Variants in ZCCHC14 observed in about 807,000 individuals in gnomAD.
ZCCHC14 encodes the protein zinc finger CCHC-type containing 14, also known as zinc finger CCHC domain-containing protein 14.
Under a neutral mutation model 85.0 loss-of-function variants are expected in ZCCHC14, and 16 were observed. That is an observed-to-expected ratio of 0.19 (90% CI 0.13 to 0.29). ZCCHC14 has a LOEUF of 0.29. Ranked by LOEUF, ZCCHC14 falls within the 10% of genes least tolerant of loss-of-function variation. ZCCHC14 has a pLI of 1.00. For missense variants in ZCCHC14, 1,303 were observed against 1,443.5 expected, an observed-to-expected ratio of 0.90 and a Z score of 1.58; for synonymous variants, 775 against 630.7, an observed-to-expected ratio of 1.23 and a Z score of -3.43.
chr16:87,482,561 G>A (rs1485604686), intron 1 of ZCCHC14, among the ~76,000 whole-genome samples: 1 of 152,132 alleles, frequency 6.6e-6, no homozygotes, highest in Non-Finnish European at 1.5e-5. Context: ...ATTCCTCTGT[G>A]TAGGAAACCC....
At chr16:87,427,706 T>C (rs1597409697) in intron 3 of ZCCHC14, among the ~76,000 whole-genome samples, 1 of 152,298 alleles carries the variant, frequency 6.6e-6, no homozygotes, top group East Asian at 1.9e-4. Flanking sequence ...GGCATGATCT[T>C]GGCTCACTGC....
At chr16:87,452,111 G>A (rs1197623719) in intron 2 of ZCCHC14, among the ~76,000 whole-genome samples, 4 of 152,346 alleles carry the variant, frequency 2.6e-5, no homozygotes, top group South Asian at 2.1e-4. Context: ...CTGAAGAGGG[G>A]CAAGGCCAGA....
At chr16:87,416,246 C>T (rs1469317952) in intron 8 of ZCCHC14, among the ~76,000 whole-genome samples, 1 of 151,778 alleles carries the variant, frequency 6.6e-6, no homozygotes, top group African/African-American at 2.4e-5. Context: ...GCAACTTTGT[C>T]AGGTAGCAAG....
At chr16:87,474,930 G>GT (rs1324149068) in intron 1 of ZCCHC14, among the ~76,000 whole-genome samples, 2 of 152,240 alleles carry the variant, frequency 1.3e-5, no homozygotes, top group African/African-American at 4.8e-5. Context: ...AGTATCTGGA[G>GT]TTTGAGTCCA....
Position 87,410,096 on chromosome 16 carries a change from T to C in ZCCHC14, c.*184A>G. 2.0e-6 allele frequency: 1 copy of C among 489,090 alleles called. No homozygotes were observed. The highest frequency in any genetic ancestry group is 3.6e-6 in the Non-Finnish European group (1 of 276,640). 30.3% of individuals were successfully genotyped at this position (489,090 alleles called of 1,614,324 possible). On this transcript the variant is annotated 3_prime_UTR_variant, in exon 13 of 13. Coordinates refer to ENST00000671377, the MANE Select transcript of ZCCHC14 (RefSeq NM_015144.3). ...CGAGTTCTGACACCAAGCTCCAATC[T>C]AGGGTTTTGGCAATAAATCGAGTTT...
chr16:87,465,772 A>C (rs1189745088), intron 1 of ZCCHC14, among the ~76,000 whole-genome samples: 1 of 152,162 alleles, frequency 6.6e-6, no homozygotes, highest in African/African-American at 2.4e-5. Context: ...GAATATTTCA[A>C]GGTAAATCTT....
At chr16:87,410,388 C>G in intron 12 of ZCCHC14, 53 bp from the exon 13 acceptor site, 1 of 749,568 alleles carries the variant, frequency 1.3e-6, no homozygotes, top group Non-Finnish European at 2.5e-6. Context: ...GAATCACCAC[C>G]AACCACCAAT....
intron 1 of ZCCHC14, chr16:87,471,838 G>A (rs991648348): frequency 1.3e-5 from 2 of 152,286 alleles, no homozygotes; most frequent in Non-Finnish European, 2.9e-5. Context: ...ATTGACTTCA[G>A]AGAGAACACC....
intron 1 of ZCCHC14, among the ~76,000 whole-genome samples, chr16:87,461,977 A>G (rs1334078388): frequency 6.6e-6 from 1 of 152,170 alleles, no homozygotes; most frequent in Non-Finnish European, 1.5e-5. Flanking sequence ...ATGTAACTCG[A>G]GAAAATAAGG....
intron 2 of ZCCHC14, among the ~76,000 whole-genome samples, chr16:87,435,739 C>T (rs1204334924): frequency 6.6e-6 from 1 of 152,256 alleles, no homozygotes; most frequent in Non-Finnish European, 1.5e-5. Context: ...CGGGAGTCCA[C>T]TCGCTTTAGA....
chr16:87,431,176 G>GGAAAA (rs544981085), intron 3 of ZCCHC14, among the ~76,000 whole-genome samples: 3 of 144,690 alleles, frequency 2.1e-5, no homozygotes, highest in African/African-American at 7.7e-5. Context: ...AGAAAGGAAA[G>GGAAAA]GAAAAGAAAA....
chr16:87,468,706 T>G (rs1391932265), intron 1 of ZCCHC14, among the ~76,000 whole-genome samples: 1 of 152,216 alleles, frequency 6.6e-6, no homozygotes, highest in Non-Finnish European at 1.5e-5. Flanking sequence ...AGGGGACATC[T>G]GGCCACAGCT....
At chr16:87,457,544 T>C (rs76666223) in intron 2 of ZCCHC14, among the ~76,000 whole-genome samples, 2,465 of 152,338 alleles carry the variant, frequency 0.016, 25 homozygotes, top group Middle Eastern at 0.048. Context: ...GTTAGTCATG[T>C]GCTTGGACTG....
At chr16:87,441,923 C>G (rs117004415) in intron 2 of ZCCHC14, among the ~76,000 whole-genome samples, 72 of 152,310 alleles carry the variant, frequency 4.7e-4, no homozygotes, top group African/African-American at 1.6e-3. Flanking sequence ...GGCTGCGATT[C>G]CAGGTGGGGT....
At chr16:87,456,874 G>C (rs569661300) in intron 2 of ZCCHC14, among the ~76,000 whole-genome samples, 1 of 152,304 alleles carries the variant, frequency 6.6e-6, no homozygotes, top group Admixed American at 6.5e-5. Flanking sequence ...ATATAAACAA[G>C]TTTAATGAAA....
At chr16:87,454,218 G>C (rs1910843397) in intron 2 of ZCCHC14, among the ~76,000 whole-genome samples, 1 of 152,228 alleles carries the variant, frequency 6.6e-6, no homozygotes, top group Non-Finnish European at 1.5e-5. Context: ...AGATGGAGAA[G>C]AGGAGGAGAA....
chr16:87,441,076 T>C (rs1910161828), intron 2 of ZCCHC14, among the ~76,000 whole-genome samples: 1 of 151,142 alleles, frequency 6.6e-6, no homozygotes, highest in African/African-American at 2.4e-5. Context: ...CCATCTCGGC[T>C]CACTGCAAGC....
chr16:87,479,287 G>A (rs529788927), intron 1 of ZCCHC14, among the ~76,000 whole-genome samples: 2 of 151,868 alleles, frequency 1.3e-5, no homozygotes, highest in African/African-American at 4.8e-5. Flanking sequence ...GTGGTGGCGG[G>A]TGCCTGTAAT....
At chr16:87,444,316 A>G (rs554282384) in intron 2 of ZCCHC14, among the ~76,000 whole-genome samples, 6 of 152,364 alleles carry the variant, frequency 3.9e-5, no homozygotes, top group African/African-American at 1.4e-4. Context: ...CATATTAAAA[A>G]GACACAAAAC....
Sources: allele counts gnomAD v4.1 joint callset (sites outside exome capture counted in the v4.1 genomes callset), GRCh38; gene constraint gnomAD v4.1.1; transcripts MANE v1.5; gene names NCBI Gene and HGNC (gene_info 2026-07-23, HGNC 2026-07-21).